Variants in CDH9 observed in about 807,000 individuals in gnomAD.
CDH9 encodes the protein cadherin-9.
In CDH9, 28 loss-of-function variants were observed where a neutral mutation model predicts 70.9. The observed-to-expected ratio is 0.40, with a 90% confidence interval of 0.29 to 0.54. The LOEUF (loss-of-function observed/expected upper bound fraction) is 0.54. Ranked by LOEUF, CDH9 falls within the 20% of genes least tolerant of loss-of-function variation. The pLI is 0.59. For missense variants in CDH9, 874 were observed against 984.4 expected, an observed-to-expected ratio of 0.89 and a Z score of 1.50; for synonymous variants, 409 against 343.1, an observed-to-expected ratio of 1.19 and a Z score of -2.12.
At chr5:26,947,185 A>G (rs1268308612) in intron 2 of CDH9, among the ~76,000 whole-genome samples, 5 of 152,168 alleles carry the variant, frequency 3.3e-5, no homozygotes, top group Non-Finnish European at 7.4e-5. Flanking sequence ...TGTAGAATTT[A>G]GGGAATTCAG....
intron 2 of CDH9, among the ~76,000 whole-genome samples, chr5:26,942,495 A>C (rs1431629752): frequency 6.6e-6 from 1 of 152,190 alleles, no homozygotes; most frequent in Non-Finnish European, 1.5e-5. Context: ...AAGCTTCAAC[A>C]TCAGTTCTGA....
intron 2 of CDH9, among the ~76,000 whole-genome samples, chr5:26,987,637 A>AT (rs1447331121): frequency 1.3e-5 from 2 of 152,068 alleles, no homozygotes; most frequent in African/African-American, 2.4e-5. Context: ...CTTCTTTCTC[A>AT]TTTTTTTAAA....
At position 26,890,452 on chromosome 5, in the gene CDH9, T is replaced by C. The variant is rs775903704; in HGVS notation, c.1366A>G (p.Ile456Val). Residue 456 changes from isoleucine (I) to valine (V), a missense_variant, in exon 8 of 12, where the codon ATC becomes GTC. Coordinates refer to ENST00000231021, the MANE Select transcript of CDH9 (RefSeq NM_016279.4). ...LDRESSPWHN[I>V]TVTATEINNP... ...CTTATTTCTGTGGCTGTAACAGTGA[T>C]GTTATGCCAAGGAGATGATTCCCGG... The C allele has an allele frequency of 6.2e-7, 1 of 1,613,604 alleles. No individual in the cohort carries two copies. The highest frequency in any genetic ancestry group is 2.2e-5 in the East Asian group (1 of 44,814).
At chr5:27,020,504 A>G (rs1181683420) in intron 1 of CDH9, among the ~76,000 whole-genome samples, 1 of 151,696 alleles carries the variant, frequency 6.6e-6, no homozygotes, top group East Asian at 1.9e-4. Context: ...CAGTAGCTTG[A>G]ATTATTTTAG....
chr5:26,979,368 A>C (rs1267657120), intron 2 of CDH9, among the ~76,000 whole-genome samples: 1 of 151,864 alleles, frequency 6.6e-6, no homozygotes, highest in East Asian at 1.9e-4. Context: ...AACACAAAGA[A>C]GTATAGCCAA....
intron 1 of CDH9, among the ~76,000 whole-genome samples, chr5:26,997,273 GTA>G (rs1742682478): frequency 6.6e-6 from 1 of 152,026 alleles, no homozygotes; most frequent in African/African-American, 2.4e-5. Flanking sequence ...AAACATATAT[GTA>G]TGTGTGTGTG....
chr5:26,906,707 T>G lies in CDH9; in HGVS notation c.643+12A>C. 1.2e-6 allele frequency: 2 copies of G among 1,612,290 alleles called. No individual in the cohort carries two copies. Among genetic ancestry groups the G allele is most frequent in the Non-Finnish European group, 8.5e-7 (1 of 1,179,132 alleles). ...TATACAATAAGAAGTCAGCCAAGTT[T>G]AAATGTTGTACCTGATTCTGGGTCC... On this transcript the variant is annotated intron_variant, in intron 4 of 11. Coordinates refer to ENST00000231021, the MANE Select transcript of CDH9 (RefSeq NM_016279.4).
intron 1 of CDH9, among the ~76,000 whole-genome samples, chr5:27,030,027 G>A (rs1277491249): frequency 6.6e-6 from 1 of 151,948 alleles, no homozygotes; most frequent in African/African-American, 2.4e-5. Flanking sequence ...GTAGTAATAA[G>A]TATACAAGGA....
chr5:27,023,535 A>C (rs527669319), intron 1 of CDH9, among the ~76,000 whole-genome samples: 1 of 152,168 alleles, frequency 6.6e-6, no homozygotes, highest in South Asian at 2.1e-4. Flanking sequence ...GTAGGCCTGG[A>C]TTCTACTCTT....
chr5:27,030,673 AG>A (rs2112135167), intron 1 of CDH9, among the ~76,000 whole-genome samples: 1 of 152,076 alleles, frequency 6.6e-6, no homozygotes, highest in East Asian at 1.9e-4. Flanking sequence ...GTTAGAAAGC[AG>A]TAGACAACAT....
chr5:26,965,674 G>T (rs6863714), intron 2 of CDH9, among the ~76,000 whole-genome samples: 108,450 of 151,238 alleles, frequency 0.72, 41,509 homozygotes, highest in East Asian at 0.99. Context: ...TGGACAACTA[G>T]AAACTACATT....
At chr5:26,944,970 A>ATC (rs1741724151) in intron 2 of CDH9, among the ~76,000 whole-genome samples, 1 of 43,830 alleles carries the variant, frequency 2.3e-5, no homozygotes, top group South Asian at 3.5e-3. Context: ...CTCTGAGTGA[A>ATC]ACTATCATCC....
intron 1 of CDH9, among the ~76,000 whole-genome samples, chr5:27,019,535 T>A (rs983060886): frequency 7.9e-5 from 12 of 152,084 alleles, no homozygotes; most frequent in African/African-American, 2.9e-4. Context: ...ATGATCTTGG[T>A]GTCACTTTGT....
intron 2 of CDH9, among the ~76,000 whole-genome samples, chr5:26,922,848 A>T (rs921995736): frequency 6.6e-6 from 1 of 151,886 alleles, no homozygotes; most frequent in African/African-American, 2.4e-5. Flanking sequence ...AAAAGCAAGC[A>T]GATGAAGTTA....
At chr5:26,882,231 A>G (rs1413342321) in intron 11 of CDH9, among the ~76,000 whole-genome samples, 1 of 151,908 alleles carries the variant, frequency 6.6e-6, no homozygotes, top group Non-Finnish European at 1.5e-5. Context: ...CTGAAATATA[A>G]CTCTAAAAGT....
rs1169017041 is a variant in CDH9 at position 26,931,008 on chromosome 5, TG to T, written c.229-15085del. On this transcript the variant is annotated intron_variant, in intron 2 of 11. Coordinates refer to ENST00000231021, the MANE Select transcript of CDH9 (RefSeq NM_016279.4). ...AAAACCAATTATAATCCTACTTCTA[TG>T]CAATGTATTTCCACTATAAAGATTT... is the stretch of plus-strand genomic sequence containing the variant. Among the ~76,000 whole-genome samples, 6 of 152,300 alleles carry T rather than the reference TG, an allele frequency of 3.9e-5. No homozygotes were observed. In the East Asian group the frequency reaches 1.2e-3, roughly 29 times the overall value.
At chr5:27,023,162 T>C (rs1196578309) in intron 1 of CDH9, among the ~76,000 whole-genome samples, 2 of 152,016 alleles carry the variant, frequency 1.3e-5, no homozygotes, top group Non-Finnish European at 2.9e-5. Flanking sequence ...CATCCATTGC[T>C]CTCTTTACAA....
chr5:26,909,695 T>G (rs2111997012), intron 3 of CDH9, among the ~76,000 whole-genome samples: 1 of 151,908 alleles, frequency 6.6e-6, no homozygotes, highest in Admixed American at 6.6e-5. Flanking sequence ...TTTTATGAGT[T>G]TTGCATATAA....
intron 2 of CDH9, among the ~76,000 whole-genome samples, chr5:26,934,621 A>C (rs10069244): frequency 1.3e-5 from 2 of 152,060 alleles, no homozygotes; most frequent in East Asian, 3.9e-4. Context: ...AGTCAAACAA[A>C]CTATATCCAA....
Sources: allele counts gnomAD v4.1 joint callset (sites outside exome capture counted in the v4.1 genomes callset), GRCh38; gene constraint gnomAD v4.1.1; transcripts MANE v1.5; gene names NCBI Gene and HGNC (gene_info 2026-07-23, HGNC 2026-07-21).